ENTREP1: variants seen among roughly 807,000 people sequenced by gnomAD.
ENTREP1 encodes Friedreich ataxia region gene X123.
the ENTREP1 span, among the ~76,000 whole-genome samples, chr9:69,357,745 G>A: frequency 2.0e-5 from 3 of 152,254 alleles, no homozygotes; most frequent in African/African-American, 4.8e-5. Context: ...ATGATGTTTT[G>A]TTGGTTGCTG....
At chr9:69,334,813 A>G in the ENTREP1 span, among the ~76,000 whole-genome samples, 18 of 122,184 alleles carry the variant, frequency 1.5e-4, no homozygotes, top group Admixed American at 1.3e-3. Context: ...GTCTCATTCT[A>G]TCGCCCAGGC....
the ENTREP1 span, among the ~76,000 whole-genome samples, chr9:69,353,419 C>T: frequency 1.3e-5 from 2 of 152,242 alleles, no homozygotes; most frequent in African/African-American, 2.4e-5. Flanking sequence ...GCTGTCTCTA[C>T]ATAAATAGAT....
the ENTREP1 span, among the ~76,000 whole-genome samples, chr9:69,339,451 G>A: frequency 6.6e-6 from 1 of 152,170 alleles, no homozygotes; most frequent in Non-Finnish European, 1.5e-5. Flanking sequence ...GCAAGCCACT[G>A]AACTCTTCTG....
the ENTREP1 span, among the ~76,000 whole-genome samples, chr9:69,344,228 A>G: frequency 6.6e-6 from 1 of 152,180 alleles, no homozygotes; most frequent in Non-Finnish European, 1.5e-5. Flanking sequence ...TGTTGTCATG[A>G]AATGTTGCAG....
the ENTREP1 span, chr9:69,383,546 G>C: frequency 6.3e-7 from 1 of 1,583,512 alleles, no homozygotes; most frequent in Non-Finnish European, 8.6e-7. Context: ...CCACAGTTTA[G>C]AGCAAAGCCA....
the ENTREP1 span, among the ~76,000 whole-genome samples, chr9:69,332,421 A>G: frequency 6.6e-6 from 1 of 152,212 alleles, no homozygotes; most frequent in African/African-American, 2.4e-5. Context: ...TGGAAATGAC[A>G]TTCTTAGTTT....
the ENTREP1 span, among the ~76,000 whole-genome samples, chr9:69,365,681 C>G: frequency 5.3e-5 from 8 of 151,944 alleles, 1 homozygote. Context: ...CCCCACACCC[C>G]ACATGCACCC....
chr9:69,386,076 G>A, the ENTREP1 span: 1 of 760,790 alleles, frequency 1.3e-6, no homozygotes, highest in Admixed American at 3.8e-5. Context: ...AGCTTATGAG[G>A]TCTTGGGAAA....
At chr9:69,363,418 A>C in the ENTREP1 span, among the ~76,000 whole-genome samples, 1 of 152,244 alleles carries the variant, frequency 6.6e-6, no homozygotes, top group East Asian at 1.9e-4. Context: ...GAAAAATTTT[A>C]TAGAGAAGTT....
At chr9:69,372,849 CT>C in the ENTREP1 span, among the ~76,000 whole-genome samples, 57,847 of 147,892 alleles carry the variant, frequency 0.39, 11,359 homozygotes, top group Admixed American at 0.44. Context: ...TTATTTTCTG[CT>C]TTTTTTTTTT....
At chr9:69,325,366 T>G in the ENTREP1 span, 2 of 1,164,334 alleles carry the variant, frequency 1.7e-6, no homozygotes, top group Non-Finnish European at 2.1e-6. Context: ...GGCTTTCGGG[T>G]GGGCCGCAGG....
the ENTREP1 span, chr9:69,325,222 A>G: frequency 9.7e-7 from 1 of 1,034,290 alleles, no homozygotes; most frequent in Non-Finnish European, 1.2e-6. Flanking sequence ...TGCAGTGCCC[A>G]GTGTGCTGCG....
chr9:69,392,416 C>A, the ENTREP1 span: 1 of 153,768 alleles, frequency 6.5e-6, no homozygotes, highest in South Asian at 2.0e-4. Context: ...ACTAGAGACC[C>A]CTAAGGCAGA....
At chr9:69,392,456 A>T in the ENTREP1 span, 1 of 152,868 alleles carries the variant, frequency 6.5e-6, no homozygotes, top group Non-Finnish European at 1.5e-5. Flanking sequence ...ACTTTGGGCC[A>T]CTGGGCTTGA....
At chr9:69,371,310 T>A in the ENTREP1 span, 1 of 648,878 alleles carries the variant, frequency 1.5e-6, no homozygotes, top group Non-Finnish European at 2.8e-6. Flanking sequence ...TAAGAGTCAG[T>A]GGCATCCCTC....
At chr9:69,362,343 G>A in the ENTREP1 span, among the ~76,000 whole-genome samples, 2 of 152,178 alleles carry the variant, frequency 1.3e-5, no homozygotes, top group African/African-American at 4.8e-5. Flanking sequence ...TGAAGGTGAT[G>A]TTGCTTCTTG....
the ENTREP1 span, among the ~76,000 whole-genome samples, chr9:69,375,292 T>C: frequency 6.6e-6 from 1 of 152,182 alleles, no homozygotes; most frequent in East Asian, 1.9e-4. Context: ...GAGATAGAGC[T>C]TTCAGGTTAA....
chr9:69,389,178 T>C, the ENTREP1 span, among the ~76,000 whole-genome samples: 1 of 152,186 alleles, frequency 6.6e-6, no homozygotes, highest in African/African-American at 2.4e-5. Context: ...GCTTCATTGC[T>C]GCAGGTAGTG....
chr9:69,378,756 C>CAAA, the ENTREP1 span, among the ~76,000 whole-genome samples: 1 of 139,232 alleles, frequency 7.2e-6, no homozygotes, highest in African/African-American at 2.6e-5. Flanking sequence ...GACTTTGTCT[C>CAAA]AAAAAAAAAA....
Sources: gnomAD v4.1 joint callset for allele counts (sites outside exome capture counted in the v4.1 genomes callset) on GRCh38, gnomAD v4.1.1 for gene constraint, MANE v1.5 for transcripts, NCBI Gene and HGNC (gene_info 2026-07-23, HGNC 2026-07-21) for gene names.